The following CSMD1 variants were observed in gnomAD, a reference collection of about 807,000 sequenced individuals.
The protein encoded by CSMD1 is CUB and sushi domain-containing protein 1.
In CSMD1, 213 loss-of-function variants were observed where a neutral mutation model predicts 417.5. That is an observed-to-expected ratio of 0.51 (90% CI 0.46 to 0.57). CSMD1 has a LOEUF of 0.57. CSMD1 is among the 20% of genes least tolerant of loss of function. CSMD1 has a pLI of 0.00. For synonymous variants in CSMD1, 2,862 were observed against 1,736.8 expected (o/e 1.65, Z -16.11); for missense variants, 6,923 against 4,529.7 (o/e 1.53, Z -15.17).
At chr8:4,652,496 G>C (rs116070633) in intron 1 of CSMD1, among the ~76,000 whole-genome samples, 1 of 152,104 alleles carries the variant, frequency 6.6e-6, no homozygotes, top group East Asian at 1.9e-4. Context: ...CGAGCCTGCC[G>C]AGACAGATTC....
At chr8:3,017,202 C>A (rs531354060) in intron 52 of CSMD1, among the ~76,000 whole-genome samples, 2 of 152,194 alleles carry the variant, frequency 1.3e-5, no homozygotes, top group Non-Finnish European at 2.9e-5. Flanking sequence ...CTCGGACCAC[C>A]TAGCTCCCTC....
rs77448629 is a variant in CSMD1 at position 2,936,187 on chromosome 8, C to G, written c.*2398G>C. Reference sequence around the variant, plus strand: ...CCCTAGGACAGTTTGACTTTGCACACAAAGGAAAATCATATCTAATTTGAT... The same window carrying G: ...CCCTAGGACAGTTTGACTTTGCACAGAAAGGAAAATCATATCTAATTTGAT... On this transcript the variant is annotated 3_prime_UTR_variant, in exon 70 of 70. Coordinates refer to ENST00000635120, the MANE Select transcript of CSMD1 (RefSeq NM_033225.6). 204 of 151,864 alleles carry G rather than the reference C, an allele frequency of 1.3e-3. 1 individual carries two copies. Among genetic ancestry groups the G allele is most frequent in the African/African-American group, 4.7e-3 (193 of 41,360 alleles). The allele number at this position is 151,864 out of a possible 1,614,324, so 9.4% of individuals were successfully genotyped here.
rs78473494 is a variant in CSMD1, at chr8:4,357,296, G to T, written c.415+62657C>A. ...CTTATAGATCTCATCTGGCCATTGT[G>T]CTTTCTCACATTTCCTCCTGATATC... On this transcript the variant is annotated intron_variant, in intron 3 of 69. Coordinates refer to ENST00000635120, the MANE Select transcript of CSMD1 (RefSeq NM_033225.6). 3.3e-3 allele frequency among the ~76,000 whole-genome samples: 501 copies of T among 152,258 alleles called. 22 individuals carry two copies. The East Asian group carries it at 0.085, about 26-fold the overall frequency.
intron 1 of CSMD1, among the ~76,000 whole-genome samples, chr8:4,915,195 C>T (rs886520829): frequency 6.6e-6 from 1 of 151,862 alleles, no homozygotes; most frequent in Non-Finnish European, 1.5e-5. Context: ...TATACACATA[C>T]ATATACCTGT....
At chr8:3,219,074 G>C (rs1050213693) in intron 29 of CSMD1, among the ~76,000 whole-genome samples, 181 bp downstream of exon 29, 1 of 152,072 alleles carries the variant, frequency 6.6e-6, no homozygotes, top group Non-Finnish European at 1.5e-5. Flanking sequence ...AGTTAAAGTA[G>C]AAATGCACCT....
chr8:4,836,197 G>T (rs1344807471), intron 1 of CSMD1, among the ~76,000 whole-genome samples: 1 of 152,230 alleles, frequency 6.6e-6, no homozygotes, highest in Middle Eastern at 3.4e-3. Context: ...ATTGATTCAG[G>T]CATTCATCTA....
chr8:3,338,747 A>C (rs922082412), intron 23 of CSMD1, among the ~76,000 whole-genome samples: 21 of 151,578 alleles, frequency 1.4e-4, no homozygotes, highest in Non-Finnish European at 2.9e-4. Context: ...TAATTGGTAC[A>C]AAGTTGCCAT....
chr8:4,188,537 C>T (rs947306729), intron 3 of CSMD1, among the ~76,000 whole-genome samples: 1 of 152,064 alleles, frequency 6.6e-6, no homozygotes, highest in African/African-American at 2.4e-5. Context: ...TTGAGGCTGT[C>T]TTTAGGAATT....
intron 5 of CSMD1, among the ~76,000 whole-genome samples, chr8:3,846,523 T>C (rs909720542): frequency 6.6e-6 from 1 of 152,226 alleles, no homozygotes; most frequent in Non-Finnish European, 1.5e-5. Flanking sequence ...TTCACAGGAA[T>C]GGTGGGTGGA....
intron 2 of CSMD1, among the ~76,000 whole-genome samples, chr8:4,486,186 T>TAC (rs1801388581): frequency 9.5e-5 from 1 of 10,522 alleles, no homozygotes; most frequent in Non-Finnish European, 1.8e-4. Flanking sequence ...CATACATATA[T>TAC]ATATATATAT....
chr8:4,102,430 T>G (rs1801352832), intron 3 of CSMD1, among the ~76,000 whole-genome samples: 1 of 152,208 alleles, frequency 6.6e-6, no homozygotes. Context: ...GATTCTGTCA[T>G]AATAGATTTA....
chr8:3,725,652 G>A (rs1185021410), intron 6 of CSMD1, among the ~76,000 whole-genome samples: 1 of 152,090 alleles, frequency 6.6e-6, no homozygotes, highest in Non-Finnish European at 1.5e-5. Context: ...AGGATGGAGT[G>A]AGCAGTGGAG....
chr8:3,182,087 T>C lies in CSMD1; in HGVS notation c.5621-873A>G, dbSNP rs187482102. Among the ~76,000 whole-genome samples the C allele has an allele frequency of 3.7e-3, 562 of 152,306 alleles. 2 individuals carry two copies. Among genetic ancestry groups the C allele is most frequent in the Non-Finnish European group, 6.5e-3 (441 of 68,020 alleles). On this transcript the variant is annotated intron_variant, in intron 36 of 69. Transcript: ENST00000635120. ...CCATTGTGTAAAAATAACCACAGTG[T>C]AGATAAATTATTCAAGTACTGCTGT... is the stretch of plus-strand genomic sequence containing the variant.
At chr8:4,260,046 C>G (rs918610113) in intron 3 of CSMD1, among the ~76,000 whole-genome samples, 2 of 150,302 alleles carry the variant, frequency 1.3e-5, no homozygotes, top group South Asian at 2.1e-4. Context: ...TTAACACATA[C>G]TTGAAAGGGA....
rs534215439 is a variant in CSMD1 at position 4,950,002 on chromosome 8, T to C, written c.85+44330A>G. ...TTTTTTATCTAATTGGTCACGACTA[T>C]TGATTGAGATTAAAGCAAAACACCT... On this transcript the variant is annotated intron_variant, in intron 1 of 69. Transcript: ENST00000635120. Among the ~76,000 whole-genome samples, 7 of 152,232 alleles carry C rather than the reference T, an allele frequency of 4.6e-5. No individual in the cohort carries two copies. The East Asian group carries it at 7.7e-4, about 17-fold the overall frequency.
chr8:4,650,599 A>G (rs557475686), intron 1 of CSMD1, among the ~76,000 whole-genome samples: 1 of 152,118 alleles, frequency 6.6e-6, no homozygotes, highest in Non-Finnish European at 1.5e-5. Flanking sequence ...CGGATTTGCT[A>G]TACAAAGTAT....
At chr8:3,785,164 C>A (rs1458946599) in intron 5 of CSMD1, among the ~76,000 whole-genome samples, 1 of 152,158 alleles carries the variant, frequency 6.6e-6, no homozygotes, top group Admixed American at 6.5e-5. Flanking sequence ...GGCCTTAGTG[C>A]CTGTCTGCAT....
At chr8:4,258,100 T>C (rs544083228) in intron 3 of CSMD1, among the ~76,000 whole-genome samples, 2 of 151,446 alleles carry the variant, frequency 1.3e-5, no homozygotes, top group Non-Finnish European at 2.9e-5. Flanking sequence ...CGTGCTACCA[T>C]TCCCGGCTAT....
chr8:4,217,674 A>G (rs978654217), intron 3 of CSMD1, among the ~76,000 whole-genome samples: 4 of 150,716 alleles, frequency 2.7e-5, no homozygotes, highest in Admixed American at 6.6e-5. Context: ...AAAAAAAATT[A>G]GGAGCTAATT....
Sources: allele counts gnomAD v4.1 joint callset (sites outside exome capture counted in the v4.1 genomes callset), GRCh38; gene constraint gnomAD v4.1.1; transcripts MANE v1.5; gene names NCBI Gene and HGNC (gene_info 2026-07-23, HGNC 2026-07-21).